CNTNAP2: variants seen among roughly 807,000 people sequenced by gnomAD.
CNTNAP2 encodes contactin-associated protein-like 2.
A neutral mutation model predicts 155.2 loss-of-function variants in CNTNAP2; 98 were observed. That is an observed-to-expected ratio of 0.63 (90% confidence interval 0.54 to 0.75). The LOEUF is 0.75. Ranked by LOEUF, CNTNAP2 falls within the 30% of genes least tolerant of loss-of-function variation. The pLI, the probability that CNTNAP2 is intolerant of heterozygous loss-of-function variation, is 0.00. For missense variants in CNTNAP2, 1,727 were observed against 1,688.1 expected (o/e 1.02, Z -0.40); for synonymous variants, 651 against 631.2 (o/e 1.03, Z -0.47).
At chr7:146,816,932 AG>A (rs1455184826) in intron 2 of CNTNAP2, among the ~76,000 whole-genome samples, 1 of 152,206 alleles carries the variant, frequency 6.6e-6, no homozygotes, top group Non-Finnish European at 1.5e-5. Context: ...ATAGATAATA[AG>A]TTCCCAATAA....
chr7:146,682,258 G>A (rs1396520811), intron 1 of CNTNAP2, among the ~76,000 whole-genome samples: 2 of 151,810 alleles, frequency 1.3e-5, no homozygotes, highest in South Asian at 2.1e-4. Context: ...TATTTTTAAT[G>A]TAAGTACTCT....
At chr7:147,358,506 AT>A (rs1450543959) in intron 9 of CNTNAP2, among the ~76,000 whole-genome samples, 3 of 152,108 alleles carry the variant, frequency 2.0e-5, no homozygotes, top group Non-Finnish European at 4.4e-5. Context: ...GGTTGCAGTC[AT>A]TTTTAACACA....
At position 147,513,967 on chromosome 7, in the gene CNTNAP2, C is replaced by T. The variant is rs1193410009; in HGVS notation, c.1777+27926C>T. 2.0e-5 allele frequency among the ~76,000 whole-genome samples: 3 copies of T among 152,188 alleles called. No individual in the cohort carries two copies. The East Asian group carries it at 5.8e-4, about 29-fold the overall frequency. Reference sequence around the variant, plus strand: ...CCCTCATCTGAAGGCCAACCACCACCACATGGTCCTTTCACCAGAGGTAGA... The same window carrying T: ...CCCTCATCTGAAGGCCAACCACCACTACATGGTCCTTTCACCAGAGGTAGA... On this transcript the variant is annotated intron_variant, in intron 11 of 23. Transcript: ENST00000361727.
At chr7:147,187,564 G>A (rs1207828724) in intron 8 of CNTNAP2, among the ~76,000 whole-genome samples, 5 of 151,910 alleles carry the variant, frequency 3.3e-5, no homozygotes, top group Admixed American at 3.3e-4. Flanking sequence ...TAAACATTGG[G>A]GACATAAATA....
intron 11 of CNTNAP2, among the ~76,000 whole-genome samples, chr7:147,561,467 AT>A (rs1186532245): frequency 2.3e-4 from 35 of 152,302 alleles, no homozygotes; most frequent in African/African-American, 8.2e-4. Context: ...GAAAAAGAAA[AT>A]TTGTCATGAG....
chr7:147,524,414 GCT>G (rs559537238), intron 11 of CNTNAP2, among the ~76,000 whole-genome samples: 63 of 152,292 alleles, frequency 4.1e-4, no homozygotes, highest in African/African-American at 1.4e-3. Flanking sequence ...AAAAAGCGTG[GCT>G]CTGTTATGCC....
chr7:147,403,774 T>A (rs922541160), intron 10 of CNTNAP2, among the ~76,000 whole-genome samples: 1 of 152,180 alleles, frequency 6.6e-6, no homozygotes, highest in Admixed American at 6.5e-5. Context: ...CTACTTTATA[T>A]GATAATTGTA....
intron 8 of CNTNAP2, among the ~76,000 whole-genome samples, chr7:147,271,184 G>C (rs1804741804): frequency 6.6e-6 from 1 of 152,250 alleles, no homozygotes; most frequent in South Asian, 2.1e-4. Flanking sequence ...ATAGATCCTT[G>C]TCTTAGCTGC....
Position 147,226,601 on chromosome 7 carries a change from C to T in CNTNAP2, c.1349-73540C>T, listed in dbSNP as rs534818830. 7.2e-5 allele frequency among the ~76,000 whole-genome samples: 11 copies of T among 152,154 alleles called. No individual in the cohort carries two copies. The East Asian group carries it at 1.4e-3, about 19-fold the overall frequency. ...CATGTGCATTTTGAATTCAACATAT[C>T]GTTGGCAGGTTTTCTTTAGGTCAAG... On this transcript the variant is annotated intron_variant, in intron 8 of 23. Coordinates refer to ENST00000361727, the MANE Select transcript of CNTNAP2 (RefSeq NM_014141.6).
At chr7:147,900,428 T>C (rs2710112) in intron 13 of CNTNAP2, among the ~76,000 whole-genome samples, 60,600 of 151,926 alleles carry the variant, frequency 0.4, 12,428 homozygotes, top group African/African-American at 0.48. Flanking sequence ...CCTGCCCCCA[T>C]GAGAAGACGT....
Position 147,193,255 on chromosome 7 carries a change from T to C in CNTNAP2, c.1348+60746T>C, listed in dbSNP as rs566915890. ...AGATAAATAAATGGAAGTTTAGTGC[T>C]ATTAGGGAACTTGTCCAAGTTAATG... On this transcript the variant is annotated intron_variant, in intron 8 of 23. Transcript: ENST00000361727. Among the ~76,000 whole-genome samples, 4 of 152,324 alleles carry C rather than the reference T, an allele frequency of 2.6e-5. No individual in the cohort carries two copies. In the East Asian group the frequency reaches 7.7e-4, roughly 29 times the overall value.
chr7:148,328,227 G>C (rs897369430), intron 21 of CNTNAP2, among the ~76,000 whole-genome samples: 2 of 152,186 alleles, frequency 1.3e-5, no homozygotes, highest in Admixed American at 1.3e-4. Flanking sequence ...CAGGTGGAGA[G>C]AGGGGAAGGC....
Position 147,132,508 on chromosome 7 carries a change from A to G in CNTNAP2, c.1347A>G (p.Ser449=), listed in dbSNP as rs1554441906. ...QTKMSQIDIS[S]GSGLNDGQWH... ...AGATGAGCCAAATCGATATTTCCTCAGGTCAGTGAAACCTATTTGACATTT... is the reference window on the plus strand; with the variant it reads ...AGATGAGCCAAATCGATATTTCCTCGGGTCAGTGAAACCTATTTGACATTT... Residue 449 remains serine (S), a splice_region_variant and synonymous_variant, in exon 8 of 24, where the codon TCA becomes TCG. Coordinates refer to ENST00000361727, the MANE Select transcript of CNTNAP2 (RefSeq NM_014141.6). 6 of 1,613,476 alleles carry G rather than the reference A, an allele frequency of 3.7e-6. No homozygotes were observed. The East Asian group carries it at 1.1e-4, about 30-fold the overall frequency.
chr7:148,212,197 A>C (rs1370745895), intron 18 of CNTNAP2, among the ~76,000 whole-genome samples: 1 of 151,866 alleles, frequency 6.6e-6, no homozygotes, highest in Non-Finnish European at 1.5e-5. Context: ...AAGGAGATAA[A>C]TATCTTTATG....
intron 15 of CNTNAP2, among the ~76,000 whole-genome samples, chr7:148,099,192 A>G (rs755416779): frequency 1.8e-4 from 27 of 152,244 alleles, no homozygotes; most frequent in South Asian, 8.3e-4. Context: ...TGAAAAGTGG[A>G]CATAATAACA....
intron 3 of CNTNAP2, among the ~76,000 whole-genome samples, chr7:147,019,599 T>C (rs1362608063): frequency 6.6e-6 from 1 of 152,038 alleles, no homozygotes; most frequent in Non-Finnish European, 1.5e-5. Flanking sequence ...TAAGGACTTA[T>C]TATTTATTAC....
intron 14 of CNTNAP2, among the ~76,000 whole-genome samples, chr7:147,921,206 T>C (rs1800274081): frequency 6.6e-6 from 1 of 152,230 alleles, no homozygotes; most frequent in Non-Finnish European, 1.5e-5. Flanking sequence ...GAGGATCTTA[T>C]GGACATTCTG....
intron 5 of CNTNAP2, among the ~76,000 whole-genome samples, chr7:147,117,794 A>G (rs1244400188): frequency 1.3e-5 from 2 of 152,210 alleles, no homozygotes; most frequent in Non-Finnish European, 2.9e-5. Context: ...ATGATACATT[A>G]CCTTAAAGAT....
chr7:147,295,241 G>A (rs1370867592), intron 8 of CNTNAP2, among the ~76,000 whole-genome samples: 1 of 149,594 alleles, frequency 6.7e-6, no homozygotes, highest in Admixed American at 6.7e-5. Flanking sequence ...GTGTGCGCAT[G>A]CGTGTGTACC....
Sources: gnomAD v4.1 joint callset for allele counts (sites outside exome capture counted in the v4.1 genomes callset) on GRCh38, gnomAD v4.1.1 for gene constraint, MANE v1.5 for transcripts, NCBI Gene and HGNC (gene_info 2026-07-23, HGNC 2026-07-21) for gene names.